ALKAL1: variants seen among roughly 807,000 people sequenced by gnomAD.
ALKAL1 encodes the protein ALK and LTK ligand 1.
Under a neutral mutation model 13.5 loss-of-function variants are expected in ALKAL1, and 23 were observed. That is an observed-to-expected ratio of 1.70 (90% CI 1.23 to 2.41). The LOEUF (loss-of-function observed/expected upper bound fraction) is 2.41. ALKAL1 is among the 30% of genes most tolerant of loss of function. ALKAL1 has a pLI of 0.00. For missense variants in ALKAL1, 181 were observed against 178.4 expected (o/e 1.01, Z -0.08); for synonymous variants, 85 against 77.7 (o/e 1.09, Z -0.49).
At chr8:52,541,766 T>A (rs368591038) in intron 2 of ALKAL1, among the ~76,000 whole-genome samples, 38 of 151,938 alleles carry the variant, frequency 2.5e-4, no homozygotes, top group Admixed American at 4.6e-4. Context: ...CAGAAAAAAA[T>A]AATAATAATA....
chr8:52,544,546 G>C (rs1446824730), intron 1 of ALKAL1, among the ~76,000 whole-genome samples: 2 of 152,108 alleles, frequency 1.3e-5, no homozygotes, highest in Admixed American at 1.3e-4. Flanking sequence ...AAGTCAAAAG[G>C]CTTTAGGCAA....
intron 1 of ALKAL1, among the ~76,000 whole-genome samples, chr8:52,552,296 G>A (rs1422497448): frequency 6.6e-6 from 1 of 152,144 alleles, no homozygotes; most frequent in African/African-American, 2.4e-5. Context: ...ATCACATCCT[G>A]TGAAGGGTGC....
intron 1 of ALKAL1, among the ~76,000 whole-genome samples, chr8:52,555,846 T>C (rs1406209354): frequency 6.6e-6 from 1 of 152,188 alleles, no homozygotes; most frequent in African/African-American, 2.4e-5. Flanking sequence ...CCTGTGGCCT[T>C]GTGTGGTGCA....
intron 4 of ALKAL1, 59 bp downstream of exon 4, chr8:52,538,372 A>C (rs947865292): frequency 1.0e-4 from 104 of 1,005,762 alleles, no homozygotes; most frequent in Non-Finnish European, 1.5e-4. Context: ...AAAAGGAAAA[A>C]ATGTTTAAAA....
intron 4 of ALKAL1, among the ~76,000 whole-genome samples, chr8:52,535,023 C>T (rs1272761497): frequency 1.3e-5 from 2 of 152,152 alleles, no homozygotes; most frequent in Non-Finnish European, 1.5e-5. Context: ...TGTTTATCAG[C>T]TCTGTCTTCT....
chr8:52,564,724 T>A (rs1036523078), intron 1 of ALKAL1, among the ~76,000 whole-genome samples: 2 of 152,024 alleles, frequency 1.3e-5, no homozygotes, highest in Non-Finnish European at 2.9e-5. Flanking sequence ...AGAAATGGGG[T>A]GCTGACAGGG....
intron 1 of ALKAL1, among the ~76,000 whole-genome samples, chr8:52,554,938 G>T (rs201443311): frequency 1.9e-3 from 283 of 152,308 alleles, no homozygotes; most frequent in South Asian, 7.7e-3. Context: ...TTGGGAGGCT[G>T]AGGCGGGCGG....
intron 1 of ALKAL1, among the ~76,000 whole-genome samples, chr8:52,552,544 G>A (rs1362466271): frequency 1.3e-5 from 2 of 152,150 alleles, no homozygotes; most frequent in African/African-American, 2.4e-5. Context: ...CGCATAAGAG[G>A]TTTGTCTTTT....
intron 4 of ALKAL1, among the ~76,000 whole-genome samples, chr8:52,535,550 C>CAAAAAAAA (rs10719477): frequency 1.5e-5 from 1 of 68,624 alleles, no homozygotes; most frequent in Non-Finnish European, 2.6e-5. Flanking sequence ...GACCCTGTCT[C>CAAAAAAAA]AAAAAAAAAA....
intron 2 of ALKAL1, among the ~76,000 whole-genome samples, chr8:52,540,802 C>G (rs1283605428): frequency 1.3e-5 from 2 of 152,080 alleles, no homozygotes; most frequent in Non-Finnish European, 2.9e-5. Context: ...GAGTCTGCTT[C>G]TCGTGGGGTC....
intron 1 of ALKAL1, among the ~76,000 whole-genome samples, chr8:52,555,275 G>A (rs1173208912): frequency 1.3e-5 from 2 of 152,088 alleles, no homozygotes; most frequent in Non-Finnish European, 2.9e-5. Context: ...CTGGAACACA[G>A]GTGAAGCTGG....
At chr8:52,560,907 T>G (rs895385237) in intron 1 of ALKAL1, among the ~76,000 whole-genome samples, 5 of 152,172 alleles carry the variant, frequency 3.3e-5, no homozygotes, top group Non-Finnish European at 5.9e-5. Flanking sequence ...CTAACAGTTT[T>G]CAGTAAAATA....
chr8:52,542,367 A>C, intron 2 of ALKAL1, 25 bp downstream of exon 2: 1 of 1,419,730 alleles, frequency 7.0e-7, no homozygotes, highest in African/African-American at 1.4e-5. Flanking sequence ...TAGTTAATGG[A>C]ATCACTGATA....
Position 52,539,487 on chromosome 8 carries a change from G to C in ALKAL1, c.325+344C>G, listed in dbSNP as rs546205367. The stretch of plus-strand genomic sequence containing the variant: ...ACTTATGAAAAAATTTTTACTTAGA[G>C]TTCACAGTCATCTCATTTTTTTCAT... On this transcript the variant is annotated intron_variant, in intron 3 of 4. Coordinates refer to ENST00000358543, the MANE Select transcript of ALKAL1 (RefSeq NM_207413.4). Among the ~76,000 whole-genome samples, 4 of 152,106 alleles carry C rather than the reference G, an allele frequency of 2.6e-5. No homozygotes were observed. In the East Asian group the frequency reaches 7.7e-4, roughly 29 times the overall value.
chr8:52,552,121 GTC>G (rs1847435929), intron 1 of ALKAL1, among the ~76,000 whole-genome samples: 2 of 152,110 alleles, frequency 1.3e-5, no homozygotes, highest in African/African-American at 4.8e-5. Flanking sequence ...GGCCGTGATA[GTC>G]TCTCAAAATT....
At chr8:52,554,022 G>A (rs1376965660) in intron 1 of ALKAL1, among the ~76,000 whole-genome samples, 6 of 152,162 alleles carry the variant, frequency 3.9e-5, no homozygotes, top group East Asian at 1.9e-4. Context: ...TCGGGAGTTC[G>A]AAACCAGCCT....
rs537578582 is a variant in ALKAL1 at position 52,554,123 on chromosome 8, C to T, written c.190+10944G>A. 1.2e-3 allele frequency among the ~76,000 whole-genome samples: 179 copies of T among 152,288 alleles called. 1 individual carries two copies. Among genetic ancestry groups the T allele is most frequent in the African/African-American group, 4.2e-3 (174 of 41,564 alleles). On this transcript the variant is annotated intron_variant, in intron 1 of 4. Transcript: ENST00000358543. ...CCTGTAATCCCAGCTACTCGGGAGG[C>T]TGAGGCAGGGGAATCGCTTGAATCC...
At chr8:52,564,004 A>G (rs1048497861) in intron 1 of ALKAL1, among the ~76,000 whole-genome samples, 1 of 152,240 alleles carries the variant, frequency 6.6e-6, no homozygotes, top group African/African-American at 2.4e-5. Context: ...GTATATATTT[A>G]TATCACAACT....
intron 1 of ALKAL1, 93 bp from the exon 2 acceptor site, chr8:52,542,538 A>C: frequency 1.3e-6 from 1 of 763,378 alleles, no homozygotes; most frequent in Non-Finnish European, 2.1e-6. Context: ...TAAGGCACTA[A>C]ACACATGGAT....
Sources: allele counts gnomAD v4.1 joint callset (sites outside exome capture counted in the v4.1 genomes callset), GRCh38; gene constraint gnomAD v4.1.1; transcripts MANE v1.5; gene names NCBI Gene and HGNC (gene_info 2026-07-23, HGNC 2026-07-21).